The following AKT3 variants were observed in gnomAD, a reference collection of about 807,000 sequenced individuals.
AKT3 encodes RAC-gamma serine/threonine-protein kinase.
In AKT3, 15 loss-of-function variants were observed where a neutral mutation model predicts 65.3. That is an observed-to-expected ratio of 0.23 (90% CI 0.15 to 0.35). AKT3 has a LOEUF of 0.35. Among genes scored for constraint, AKT3 ranks in the 10% least tolerant of loss-of-function variants. The probability of loss-of-function intolerance (pLI) is 1.00; values close to 1 mark genes in which losing one functional copy is unlikely to be tolerated. For missense variants in AKT3, 243 were observed against 576.5 expected (o/e 0.42, Z 5.92); for synonymous variants, 206 against 183.8 (o/e 1.12, Z -0.98).
intron 8 of AKT3, among the ~76,000 whole-genome samples, chr1:243,599,067 T>C (rs771048184): frequency 2.0e-5 from 3 of 152,172 alleles, no homozygotes; most frequent in African/African-American, 4.8e-5. Context: ...TATCAGATTG[T>C]ACACTTTAAA....
chr1:243,648,086 C>T (rs1428018607), intron 4 of AKT3, among the ~76,000 whole-genome samples: 1 of 151,784 alleles, frequency 6.6e-6, no homozygotes, highest in African/African-American at 2.4e-5. Flanking sequence ...GGTGAAACCT[C>T]GTCTCTACAA....
intron 2 of AKT3, among the ~76,000 whole-genome samples, chr1:243,781,004 C>T (rs1421576444): frequency 6.6e-6 from 1 of 151,956 alleles, no homozygotes; most frequent in African/African-American, 2.4e-5. Flanking sequence ...CAAAGTAGGG[C>T]ATAATTCTTT....
At chr1:243,491,589 G>T (rs1162124350) in intron 13 of AKT3, among the ~76,000 whole-genome samples, 1 of 152,186 alleles carries the variant, frequency 6.6e-6, no homozygotes, top group Non-Finnish European at 1.5e-5. Flanking sequence ...GGCTAAGCCT[G>T]GCCTTCACCT....
chr1:243,617,138 A>G lies in AKT3; in HGVS notation c.562-1977T>C, dbSNP rs539104737. 4.7e-5 allele frequency among the ~76,000 whole-genome samples: 7 copies of G among 149,698 alleles called. No individual in the cohort carries two copies. The South Asian group carries it at 1.5e-3, about 32-fold the overall frequency. On this transcript the variant is annotated intron_variant, in intron 6 of 13. Transcript: ENST00000673466. Reference sequence around the variant, plus strand: ...CAAGTGTGCAAGAGTTCATTCATCCATCCACCCACCCACCCACCCACCGAC... The same window carrying G: ...CAAGTGTGCAAGAGTTCATTCATCCGTCCACCCACCCACCCACCCACCGAC...
In AKT3 at chr1:243,804,206, G is replaced by C. The variant is rs145736658; in HGVS notation, c.46+38919C>G. ...CTTAAATTTTTAATAGTACTGACTA[G>C]TCTCAGAGAGAAGCCCTCAGTTAAA... On this transcript the variant is annotated intron_variant, in intron 2 of 13. Coordinates refer to ENST00000673466, the MANE Select transcript of AKT3 (RefSeq NM_005465.7). 8.1e-4 allele frequency among the ~76,000 whole-genome samples: 123 copies of C among 152,304 alleles called. 1 individual carries two copies. Among genetic ancestry groups the C allele is most frequent in the Non-Finnish European group, 9.1e-4 (62 of 68,030 alleles).
intron 2 of AKT3, among the ~76,000 whole-genome samples, chr1:243,784,962 C>T (rs544329219): frequency 1.3e-5 from 2 of 151,976 alleles, no homozygotes; most frequent in Non-Finnish European, 2.9e-5. Flanking sequence ...CACAGTCTCA[C>T]GATATTGCCC....
chr1:243,718,885 T>C (rs534367729), intron 2 of AKT3, among the ~76,000 whole-genome samples: 2 of 152,312 alleles, frequency 1.3e-5, no homozygotes, highest in South Asian at 4.1e-4. Context: ...ATTTCACCTA[T>C]ATTTAGGTGT....
rs1215382571 is a variant in AKT3, at chr1:243,774,037, T to C, written c.46+69088A>G. On this transcript the variant is annotated intron_variant, in intron 2 of 13. Coordinates refer to ENST00000673466, the MANE Select transcript of AKT3 (RefSeq NM_005465.7). ...GGATCTATGGATGGTGACCATTACA[T>C]GAGGAGTGTGAAAGAGCAAGAAAAA... Among the ~76,000 whole-genome samples the C allele has an allele frequency of 5.3e-5, 8 of 152,096 alleles. No individual in the cohort carries two copies. In the East Asian group the frequency reaches 1.5e-3, roughly 29 times the overall value.
intron 12 of AKT3, among the ~76,000 whole-genome samples, chr1:243,526,114 T>TGTAAGGCTGTTGTCTCC (rs1306163011): frequency 6.6e-6 from 1 of 151,948 alleles, no homozygotes; most frequent in African/African-American, 2.4e-5. Context: ...ATGTTGTCTC[T>TGTAAGGCTGTTGTCTCC]GTAAGGCTGT....
intron 8 of AKT3, among the ~76,000 whole-genome samples, chr1:243,591,626 A>G (rs1676234307): frequency 6.6e-6 from 1 of 152,202 alleles, no homozygotes; most frequent in Non-Finnish European, 1.5e-5. Context: ...TTACACGAAT[A>G]CCATAATAAA....
chr1:243,698,641 G>A (rs574955824), intron 2 of AKT3, among the ~76,000 whole-genome samples: 1 of 151,982 alleles, frequency 6.6e-6, no homozygotes, highest in Non-Finnish European at 1.5e-5. Flanking sequence ...AGTATACCAA[G>A]ATAGTGATGT....
intron 12 of AKT3, 99 bp from the exon 13 acceptor site, chr1:243,512,525 C>T: frequency 1.4e-6 from 1 of 724,586 alleles, no homozygotes; most frequent in Non-Finnish European, 2.3e-6. Flanking sequence ...ATGAACAGAA[C>T]AAAAGTCTAC....
At chr1:243,553,085 A>G in intron 10 of AKT3, 142 bp from the exon 11 acceptor site, 1 of 602,834 alleles carries the variant, frequency 1.7e-6, no homozygotes, top group Non-Finnish European at 2.7e-6. Context: ...TAAACTGTGA[A>G]GCATCCTACA....
intron 2 of AKT3, among the ~76,000 whole-genome samples, chr1:243,795,213 T>G (rs908807257): frequency 6.6e-6 from 1 of 151,842 alleles, no homozygotes; most frequent in East Asian, 1.9e-4. Flanking sequence ...TATTTAAGAA[T>G]AAGCCCCTGA....
intron 6 of AKT3, among the ~76,000 whole-genome samples, chr1:243,634,685 T>A (rs1034363590): frequency 6.6e-6 from 1 of 151,798 alleles, no homozygotes; most frequent in African/African-American, 2.4e-5. Flanking sequence ...AAATAGACTT[T>A]AAATGAAAAG....
chr1:243,799,599 A>G (rs1388416468), intron 2 of AKT3, among the ~76,000 whole-genome samples: 1 of 152,218 alleles, frequency 6.6e-6, no homozygotes, highest in Non-Finnish European at 1.5e-5. Flanking sequence ...AAGACTCAAC[A>G]TGAAATGAGG....
At chr1:243,511,092 G>A (rs1171294572) in intron 13 of AKT3, among the ~76,000 whole-genome samples, 1 of 152,256 alleles carries the variant, frequency 6.6e-6, no homozygotes, top group African/African-American at 2.4e-5. Flanking sequence ...AGATTGAGTG[G>A]AAACTCTGCC....
intron 6 of AKT3, among the ~76,000 whole-genome samples, chr1:243,620,594 TC>T (rs2148619413): frequency 6.6e-6 from 1 of 152,260 alleles, no homozygotes; most frequent in African/African-American, 2.4e-5. Context: ...AACTTTTGTT[TC>T]TTGAAAACTT....
At chr1:243,509,149 CAT>C (rs368835628) in intron 13 of AKT3, among the ~76,000 whole-genome samples, 17 of 152,158 alleles carry the variant, frequency 1.1e-4, no homozygotes, top group African/African-American at 1.7e-4. Flanking sequence ...TGAAATGACA[CAT>C]GTTATTTAAG....
Sources: allele counts gnomAD v4.1 joint callset (sites outside exome capture counted in the v4.1 genomes callset), GRCh38; gene constraint gnomAD v4.1.1; transcripts MANE v1.5; gene names NCBI Gene and HGNC (gene_info 2026-07-23, HGNC 2026-07-21).